The following TCF3 variants were observed in gnomAD, a reference collection of about 807,000 sequenced individuals.
TCF3 encodes the protein transcription factor 3, also known as transcription factor E2-alpha.
A neutral mutation model predicts 72.3 loss-of-function variants in TCF3; 54 were observed. That is an observed-to-expected ratio of 0.75 (90% CI 0.60 to 0.94). TCF3 has a LOEUF of 0.94. Ranked by LOEUF, TCF3 falls within the 40% of genes least tolerant of loss-of-function variation. The pLI is 0.00. For synonymous variants in TCF3, 525 were observed against 412.6 expected, an observed-to-expected ratio of 1.27 and a Z score of -3.30; for missense variants, 1,078 against 934.4, an observed-to-expected ratio of 1.15 and a Z score of -2.00.
chr19:1,643,282 G>A (rs957260146), intron 3 of TCF3, among the ~76,000 whole-genome samples: 2 of 151,346 alleles, frequency 1.3e-5, no homozygotes, highest in South Asian at 2.1e-4. Flanking sequence ...GGGCAGTGGC[G>A]CAATCTCAGC....
At position 1,611,739 on chromosome 19, in the gene TCF3, T is replaced by G. The variant is rs2061002139; in HGVS notation, c.1933A>C (p.Ser645Arg). ...TGCCCGGCGGGGTTGTGGGCTTCGC[T>G]CAGGCCTGGGTGGGGAGCTGAAAGC... is the stretch of plus-strand genomic sequence containing the variant. ...MVLSAPHPGL[S>R]EAHNPAGHM Residue 645 changes from serine to arginine, a missense_variant, in exon 19 of 19, where the codon AGC (serine) becomes CGC (arginine). Physicochemically the swap from Ser to Arg is moderately radical, Grantham distance 110 (BLOSUM62 -1). Transcript: ENST00000262965. 1.5e-5 allele frequency: 24 copies of G among 1,613,358 alleles called. No individual in the cohort carries two copies. Among genetic ancestry groups the G allele is most frequent in the Non-Finnish European group, 1.9e-5 (22 of 1,179,910 alleles).
chr19:1,615,490 G>A lies in TCF3; in HGVS notation c.1617C>T (p.Pro539=). Reference sequence around the variant, plus strand: ...TCTCCCGCTCGGCCTTCTGCTCTGGGGGGAGAAGGTCGTCCTCGTCCTCGT... The same window carrying A: ...TCTCCCGCTCGGCCTTCTGCTCTGGAGGGAGAAGGTCGTCCTCGTCCTCGT... The part of the protein sequence containing the change: ...SPDEDEDDLL[P]PEQKAEREKE... The change falls in exon 18 of 19, where the codon CCC becomes CCT. Residue 539 remains proline (P), a synonymous_variant. Coordinates refer to ENST00000262965, the MANE Select transcript of TCF3 (RefSeq NM_003200.5). This position sits in a 1 kb window ranked among gnomAD's most constrained non-coding sequence, Gnocchi z 7.3. 1.9e-6 allele frequency: 3 copies of A among 1,610,794 alleles called. No homozygotes were observed. Among genetic ancestry groups the A allele is most frequent in the Non-Finnish European group, 2.5e-6 (3 of 1,179,868 alleles).
chr19:1,621,995 T>C (rs1296095864), intron 10 of TCF3, 25 bp from the exon 11 acceptor site: 1 of 1,599,142 alleles, frequency 6.3e-7, no homozygotes, highest in East Asian at 2.3e-5. Context: ...AGGAGGAGGG[T>C]GGGTTAGATG....
intron 3 of TCF3, among the ~76,000 whole-genome samples, chr19:1,636,996 C>T (rs1015502936): frequency 3.3e-5 from 5 of 152,182 alleles, no homozygotes; most frequent in Admixed American, 1.3e-4. Flanking sequence ...GACGTGCCCT[C>T]GGGTAGAGGC....
intron 3 of TCF3, among the ~76,000 whole-genome samples, chr19:1,638,785 A>G (rs1485555936): frequency 6.6e-6 from 1 of 152,262 alleles, no homozygotes; most frequent in Middle Eastern, 3.2e-3. Context: ...AAAGCGGTAC[A>G]GAGCTTCAGA....
intron 5 of TCF3, among the ~76,000 whole-genome samples, chr19:1,631,078 AC>A (rs1163987098): frequency 3.9e-5 from 6 of 152,020 alleles, no homozygotes; most frequent in African/African-American, 1.4e-4. Flanking sequence ...GCTGGAATAT[AC>A]CCAAGACCAG....
rs2061501584 is a variant in TCF3, at chr19:1,615,862, G to A, written c.1451-41C>T. ...GGTCAGGGGCCTGCGTCGGCCTCCA[G>A]GGCCAACTGACATATCTCTTTGTGC... On this transcript the variant is annotated intron_variant, in intron 16 of 18. Coordinates refer to ENST00000262965, the MANE Select transcript of TCF3 (RefSeq NM_003200.5). The surrounding 1 kb of genome is among the most constrained non-coding windows in gnomAD (Gnocchi z 7.3). 2 of 1,501,868 alleles carry A rather than the reference G, an allele frequency of 1.3e-6. No individual in the cohort carries two copies. The highest frequency in any genetic ancestry group is 2.8e-5 in the African/African-American group (2 of 71,578). 93.0% of individuals were successfully genotyped at this position (1,501,868 alleles called of 1,614,324 possible).
At chr19:1,635,960 C>T (rs116320490) in intron 3 of TCF3, among the ~76,000 whole-genome samples, 1,724 of 152,256 alleles carry the variant, frequency 0.011, 36 homozygotes, top group African/African-American at 0.039. Flanking sequence ...TGCCTCGCCC[C>T]GTCTCTTCTT....
At position 1,632,364 on chromosome 19, in the gene TCF3, C is replaced by A; in HGVS notation, c.187G>T (p.Asp63Tyr). 6.3e-7 allele frequency: 1 copy of A among 1,593,828 alleles called. No individual in the cohort carries two copies. Among genetic ancestry groups the A allele is most frequent in the Non-Finnish European group, 8.5e-7 (1 of 1,170,600 alleles). ...RPSSGSWGSG[D>Y]QSSSSFDPSR... ...GGGTCAAAGGAGGAGCTGCTCTGGT[C>A]GCCGCTGCCCCAGGAGCCTGAGCTG... The change falls in exon 4 of 19, where the codon GAC (aspartate) becomes TAC (tyrosine). Residue 63 changes from aspartate (D) to tyrosine (Y), a missense_variant. Physicochemically the swap from Asp to Tyr is radical, Grantham distance 160. Coordinates refer to ENST00000262965, the MANE Select transcript of TCF3 (RefSeq NM_003200.5).
intron 6 of TCF3, 104 bp downstream of exon 6, chr19:1,627,254 CA>C: frequency 1.2e-6 from 1 of 846,318 alleles, no homozygotes; most frequent in Non-Finnish European, 1.7e-6. Context: ...TATCAGGAAG[CA>C]AACATAACCT....
rs752401523 is a variant in TCF3 at position 1,615,633 on chromosome 19, CAT to C, written c.1586+51_1586+52del. 2.5e-6 allele frequency: 4 copies of C among 1,611,014 alleles called. No individual in the cohort carries two copies. Among genetic ancestry groups the C allele is most frequent in the Non-Finnish European group, 3.4e-6 (4 of 1,179,374 alleles). On this transcript the variant is annotated intron_variant, in intron 17 of 18. Transcript: ENST00000262965. This position sits in a 1 kb window ranked among gnomAD's most constrained non-coding sequence, Gnocchi z 7.3. Reference sequence around the variant, plus strand: ...GTGCGGTGTGCGTGTGGCCTGTGCACATGTGCGTCCTGATGGGGTGAGGGTGG... The same window carrying C: ...GTGCGGTGTGCGTGTGGCCTGTGCACGTGCGTCCTGATGGGGTGAGGGTGG...
chr19:1,631,370 G>A (rs2063695155), intron 5 of TCF3, among the ~76,000 whole-genome samples: 1 of 151,964 alleles, frequency 6.6e-6, no homozygotes, highest in Non-Finnish European at 1.5e-5. Context: ...CTGGGTTCAA[G>A]CAATTCTCCT....
chr19:1,631,115 C>T (rs2063663152), intron 5 of TCF3, among the ~76,000 whole-genome samples: 2 of 152,328 alleles, frequency 1.3e-5, no homozygotes, highest in South Asian at 2.1e-4. Context: ...TGGCATTGGG[C>T]AGGGCCTGCA....
chr19:1,650,211 T>G lies in TCF3; in HGVS notation c.38A>C (p.Asp13Ala). ...GTCCAGGAGGTCACTGAGCTCCTTG[T>G]CTGTGCCCACAGGCGCCATCCTCTG... ...QPQRMAPVGTDKELSDLLDFS... is the reference protein window; with the variant it reads ...QPQRMAPVGTAKELSDLLDFS... Residue 13 changes from aspartate to alanine, a missense_variant, in exon 2 of 19, where the codon GAC becomes GCC. Coordinates refer to ENST00000262965, the MANE Select transcript of TCF3 (RefSeq NM_003200.5). The G allele has an allele frequency of 6.4e-7, 1 of 1,573,764 alleles. No individual in the cohort carries two copies. The highest frequency in any genetic ancestry group is 8.6e-7 in the Non-Finnish European group (1 of 1,161,060).
In TCF3 at chr19:1,646,394, G is replaced by A. The variant is rs1021900878; in HGVS notation, c.106C>T (p.Arg36Trp). The stretch of plus-strand genomic sequence containing the variant: ...TGCGCCCCGGCCAGGGAGGCGGGCC[G>A]GCCCTTCCCGTTGGTGACAGGCAGC... ...FPLPVTNGKG[R>W]PASLAGAQFG... Residue 36 changes from arginine to tryptophan, a missense_variant, in exon 3 of 19, where the codon CGG (arginine) becomes TGG (tryptophan). Transcript: ENST00000262965. 9 of 1,550,190 alleles carry A rather than the reference G, an allele frequency of 5.8e-6. No individual in the cohort carries two copies. The highest frequency in any genetic ancestry group is 2.0e-5 in the Admixed American group (1 of 50,960).
At chr19:1,645,486 G>A (rs962951867) in intron 3 of TCF3, among the ~76,000 whole-genome samples, 9 of 152,018 alleles carry the variant, frequency 5.9e-5, no homozygotes, top group African/African-American at 1.2e-4. Context: ...AGCCCGCCCC[G>A]CCGGCCGGTC....
chr19:1,643,738 G>C (rs73919278), intron 3 of TCF3, among the ~76,000 whole-genome samples: 7,635 of 152,304 alleles, frequency 0.05, 654 homozygotes, highest in African/African-American at 0.18. Flanking sequence ...AGAACAGGCA[G>C]ACCCTTCACA....
At chr19:1,637,120 T>TGGCAACCTCCTCCACCAGAAGCGGG in intron 3 of TCF3, among the ~76,000 whole-genome samples, 2 of 148,748 alleles carry the variant, frequency 1.3e-5, no homozygotes, top group Non-Finnish European at 3.0e-5. Flanking sequence ...CGGGGACAAC[T>TGGCAACCTCCTCCACCAGAAGCGGG]GGCAACCTCC....
In TCF3 at chr19:1,640,331, C is replaced by T. The variant is rs185762672; in HGVS notation, c.145+6024G>A. On this transcript the variant is annotated intron_variant, in intron 3 of 18. Coordinates refer to ENST00000262965, the MANE Select transcript of TCF3 (RefSeq NM_003200.5). ...CGGGAGGATCACCAGGTCAGGAGAC[C>T]GAGACTGTCCTGGCTAACACGGTGA... 1.2e-4 allele frequency among the ~76,000 whole-genome samples: 18 copies of T among 148,388 alleles called. 2 individuals are homozygous for T. The South Asian group carries it at 2.8e-3, about 23-fold the overall frequency.
Sources: gnomAD v4.1 joint callset for allele counts (sites outside exome capture counted in the v4.1 genomes callset) on GRCh38, gnomAD v4.1.1 for gene constraint, Gnocchi (gnomAD v3.1) non-coding constraint, MANE v1.5 for transcripts, NCBI Gene and HGNC (gene_info 2026-07-23, HGNC 2026-07-21) for gene names.